The following CAPS2 variants were observed in gnomAD, a reference collection of about 807,000 sequenced individuals.
The protein encoded by CAPS2 is calcyphosin-2.
In CAPS2, 98 loss-of-function variants were observed where a neutral mutation model predicts 86.5. The observed-to-expected ratio is 1.13, with a 90% CI of 0.96 to 1.34. The LOEUF (loss-of-function observed/expected upper bound fraction) is 1.34, where lower values mean the gene tolerates loss of function less well. Among genes scored for constraint, CAPS2 ranks in the 40% most tolerant of loss-of-function variants. The pLI is 0.00. For synonymous variants in CAPS2, 210 were observed against 225.1 expected (o/e 0.93, Z 0.60); for missense variants, 729 against 686.8 (o/e 1.06, Z -0.69).
intron 11 of CAPS2, among the ~76,000 whole-genome samples, chr12:75,296,606 T>C (rs2036933715): frequency 6.6e-6 from 1 of 152,226 alleles, no homozygotes; most frequent in African/African-American, 2.4e-5. Flanking sequence ...CTCACTTTTA[T>C]GCAGGTGCAT....
intron 7 of CAPS2, chr12:75,305,603 G>T: frequency 1.6e-6 from 1 of 613,918 alleles, no homozygotes; most frequent in South Asian, 1.4e-5. Context: ...ACTGCCCCAG[G>T]CCCCGAGCGA....
rs1414936733 is a variant in CAPS2 at position 75,291,743 on chromosome 12, C to T, written c.1240+1G>A. On this transcript the variant is annotated splice_donor_variant, in intron 13 of 16. Transcript: ENST00000393284. LOFTEE classifies it high-confidence loss of function. ...CTTGAGAGTACAGTAATAACACATA[C>T]CTTGAATTGCTTTGAAGACCAGCCT... 1.3e-6 allele frequency: 2 copies of T among 1,535,274 alleles called. No individual in the cohort carries two copies. Among genetic ancestry groups the T allele is most frequent in the Admixed American group, 1.7e-5 (1 of 57,374 alleles).
upstream of CAPS2, chr12:75,335,019 T>C (rs1359358447): frequency 1.0e-6 from 1 of 983,616 alleles, no homozygotes; most frequent in Middle Eastern, 3.3e-4. Context: ...TATATGCAGT[T>C]AAAAAGAAAA....
intron 7 of CAPS2, chr12:75,306,015 G>T: frequency 2.1e-6 from 3 of 1,462,850 alleles, no homozygotes; most frequent in Non-Finnish European, 2.8e-6. Flanking sequence ...ATGATCCTGA[G>T]CCTCATTCTA....
chr12:75,368,894 G>A (rs1214958648), intron 1 of CAPS2, among the ~76,000 whole-genome samples: 2 of 151,812 alleles, frequency 1.3e-5, no homozygotes, highest in Non-Finnish European at 2.9e-5. Context: ...GTTTGTGGAA[G>A]ACTTTAGCAA....
At chr12:75,365,286 C>A (rs1432418027) in intron 1 of CAPS2, 4 of 151,882 alleles carry the variant, frequency 2.6e-5, no homozygotes, top group Non-Finnish European at 5.9e-5. Flanking sequence ...AAACCATGAG[C>A]AATAAATCAC....
At chr12:75,305,784 A>AACT in intron 7 of CAPS2, 1 of 725,850 alleles carries the variant, frequency 1.4e-6, no homozygotes, top group Non-Finnish European at 2.6e-6. Context: ...ATGGTGAAGG[A>AACT]TGTCGTCGGC....
chr12:75,323,127 G>A, intron 3 of CAPS2, 50 bp downstream of exon 4: 3 of 1,487,302 alleles, frequency 2.0e-6, no homozygotes, highest in Non-Finnish European at 2.8e-6. Context: ...TATGCTATGT[G>A]TAATATTGTG....
At chr12:75,277,189 T>C, downstream of CAPS2, 3 of 971,374 alleles carry the variant, frequency 3.1e-6, no homozygotes, top group Non-Finnish European at 3.6e-6. Flanking sequence ...GTTAACACGT[T>C]ACATTCCAAA....
chr12:75,364,478 T>C (rs188062123), intron 1 of CAPS2, among the ~76,000 whole-genome samples: 1 of 152,324 alleles, frequency 6.6e-6, no homozygotes, highest in East Asian at 1.9e-4. Context: ...GGAACCCCTA[T>C]TGCCAAGGGA....
intron 1 of CAPS2, among the ~76,000 whole-genome samples, chr12:75,338,663 G>T (rs765976234): frequency 2.0e-5 from 3 of 152,006 alleles, no homozygotes; most frequent in Non-Finnish European, 4.4e-5. Flanking sequence ...GTGAACATAT[G>T]CCATGGTGGT....
intron 2 of CAPS2, 34 bp downstream of exon 3, chr12:75,325,205 T>A (rs2040652598): frequency 1.3e-6 from 2 of 1,539,254 alleles, no homozygotes; most frequent in Non-Finnish European, 1.8e-6. Flanking sequence ...TATGTGCCCA[T>A]TAAACAGTCC....
chr12:75,303,978 C>G (rs773054228), intron 8 of CAPS2, among the ~76,000 whole-genome samples: 2 of 152,112 alleles, frequency 1.3e-5, no homozygotes, highest in African/African-American at 2.4e-5. Flanking sequence ...TAGCTTCACC[C>G]CCACTAAAAC....
chr12:75,352,957 G>A (rs566490016), intron 1 of CAPS2, among the ~76,000 whole-genome samples: 5 of 152,124 alleles, frequency 3.3e-5, no homozygotes, highest in African/African-American at 4.8e-5. Flanking sequence ...TAAGAACAAC[G>A]ATATAACACA....
At chr12:75,317,799 T>A (rs2039921369) in intron 5 of CAPS2, among the ~76,000 whole-genome samples, 1 of 152,154 alleles carries the variant, frequency 6.6e-6, no homozygotes, top group African/African-American at 2.4e-5. Context: ...CCACACATAG[T>A]TACCATTTGT....
intron 8 of CAPS2, among the ~76,000 whole-genome samples, chr12:75,302,694 A>T (rs1189568709): frequency 6.6e-6 from 1 of 152,258 alleles, no homozygotes; most frequent in Non-Finnish European, 1.5e-5. Context: ...ATCCACAAAT[A>T]AATATTAAGA....
chr12:75,335,963 T>C (rs1162043008), intron 1 of CAPS2, among the ~76,000 whole-genome samples: 1 of 151,972 alleles, frequency 6.6e-6, no homozygotes, highest in Non-Finnish European at 1.5e-5. Flanking sequence ...TAATAAATGT[T>C]CTTTATATTT....
At chr12:75,282,127 A>G in intron 16 of CAPS2, 124 bp downstream of exon 16, 2 of 654,978 alleles carry the variant, frequency 3.1e-6, no homozygotes, top group Non-Finnish European at 5.5e-6. Flanking sequence ...ATAAGTTTCC[A>G]GTTCAAAAAA....
chr12:75,376,356 C>A (rs913827608), intron 1 of CAPS2, among the ~76,000 whole-genome samples: 4 of 152,166 alleles, frequency 2.6e-5, no homozygotes, highest in African/African-American at 9.7e-5. Context: ...TTTCTGCTTA[C>A]ATAAATTAGA....
Sources: gnomAD v4.1 joint callset for allele counts (sites outside exome capture counted in the v4.1 genomes callset) on GRCh38, gnomAD v4.1.1 for gene constraint, MANE v1.5 for transcripts, NCBI Gene and HGNC (gene_info 2026-07-23, HGNC 2026-07-21) for gene names.